The following MAST4 variants were observed in gnomAD, a reference collection of about 807,000 sequenced individuals.
The protein encoded by MAST4 is microtubule associated serine/threonine kinase family member 4.
A neutral mutation model predicts 162.7 loss-of-function variants in MAST4; 89 were observed. That is an observed-to-expected ratio of 0.55 (90% CI 0.46 to 0.65). The LOEUF (loss-of-function observed/expected upper bound fraction) is 0.65. Ranked by LOEUF, MAST4 falls within the 30% of genes least tolerant of loss-of-function variation. The probability of loss-of-function intolerance (pLI) is 0.00; values close to 1 mark genes in which losing one functional copy is unlikely to be tolerated. For missense variants in MAST4, 3,153 were observed against 3,374.0 expected (o/e 0.93, Z 1.62); for synonymous variants, 1,479 against 1,361.1 (o/e 1.09, Z -1.91).
chr5:66,692,213 A>C (rs1749087955), intron 1 of MAST4, among the ~76,000 whole-genome samples: 1 of 152,046 alleles, frequency 6.6e-6, no homozygotes, highest in Non-Finnish European at 1.5e-5. Flanking sequence ...GTTCAATCGC[A>C]TGGTAAGAGA....
chr5:66,780,113 C>A (rs1029689448), intron 2 of MAST4, among the ~76,000 whole-genome samples: 1 of 152,092 alleles, frequency 6.6e-6, no homozygotes, highest in Admixed American at 6.6e-5. Context: ...ACTATTTTTA[C>A]ATGTATAATT....
intron 26 of MAST4, among the ~76,000 whole-genome samples, chr5:67,154,259 TATTTG>T (rs892486959): frequency 6.6e-6 from 1 of 152,210 alleles, no homozygotes; most frequent in African/African-American, 2.4e-5. Flanking sequence ...TCTGTTCAGT[TATTTG>T]ATTTGTCTTT....
intron 1 of MAST4, among the ~76,000 whole-genome samples, chr5:66,758,166 A>C (rs1219055825): frequency 6.6e-6 from 1 of 151,758 alleles, no homozygotes; most frequent in South Asian, 2.1e-4. Flanking sequence ...GCCTCTCACT[A>C]AAATACTGAC....
intron 3 of MAST4, among the ~76,000 whole-genome samples, chr5:66,881,936 T>C (rs1158992256): frequency 6.6e-6 from 1 of 152,224 alleles, no homozygotes; most frequent in Non-Finnish European, 1.5e-5. Context: ...AGTTTTGTCC[T>C]GCTTCTGTGG....
chr5:67,121,220 C>G, intron 14 of MAST4, 118 bp downstream of exon 14: 5 of 742,254 alleles, frequency 6.7e-6, no homozygotes, highest in South Asian at 3.7e-5. Context: ...TTTCAGATCA[C>G]TGCTCCTTTC....
Position 67,169,057 on chromosome 5 carries a change from C to T in MAST4, c.*2006C>T, listed in dbSNP as rs971690658. ...TAATGGATTTCAAAACTGGTCTCAA[C>T]GTTTATAATACATATCTGTGTTTGG... On this transcript the variant is annotated 3_prime_UTR_variant, in exon 29 of 29. Coordinates refer to ENST00000403625, the MANE Select transcript of MAST4 (RefSeq NM_001164664.2). The T allele has an allele frequency of 6.6e-6, 1 of 151,978 alleles. No individual in the cohort carries two copies. The highest frequency in any genetic ancestry group is 2.1e-4 in the South Asian group (1 of 4,816). The allele number at this position is 151,978 out of a possible 1,614,324, so 9.4% of individuals were successfully genotyped here. A position where few individuals can be genotyped will look rare whatever the true frequency, so the allele number is the denominator to read the frequency against.
chr5:67,153,796 G>A (rs1772140747), intron 26 of MAST4, among the ~76,000 whole-genome samples: 1 of 152,046 alleles, frequency 6.6e-6, no homozygotes, highest in Non-Finnish European at 1.5e-5. Context: ...ATTTAATTTT[G>A]CTTCTCATTC....
intron 1 of MAST4, among the ~76,000 whole-genome samples, chr5:66,753,421 AAAAG>A (rs1163096444): frequency 7.2e-5 from 11 of 151,736 alleles, no homozygotes; most frequent in African/African-American, 2.2e-4. Context: ...AATAAAGAAA[AAAAG>A]AGAGAAGAAT....
At chr5:66,749,000 T>C (rs971442294) in intron 1 of MAST4, among the ~76,000 whole-genome samples, 2 of 151,948 alleles carry the variant, frequency 1.3e-5, no homozygotes, top group Non-Finnish European at 2.9e-5. Flanking sequence ...ATAATAAATG[T>C]TTTTCTATTC....
intron 2 of MAST4, among the ~76,000 whole-genome samples, chr5:66,761,194 A>G (rs1182457929): frequency 6.6e-6 from 1 of 152,172 alleles, no homozygotes; most frequent in Non-Finnish European, 1.5e-5. Context: ...TCAAGTGCTT[A>G]TTGGACAATT....
At chr5:66,912,403 A>C (rs1183215814) in intron 4 of MAST4, among the ~76,000 whole-genome samples, 1 of 152,242 alleles carries the variant, frequency 6.6e-6, no homozygotes, top group Non-Finnish European at 1.5e-5. Context: ...AATAAGCAGA[A>C]GGTTTTTCTT....
chr5:67,057,905 G>A (rs1759055063), intron 5 of MAST4, among the ~76,000 whole-genome samples: 1 of 150,036 alleles, frequency 6.7e-6, no homozygotes, highest in Non-Finnish European at 1.5e-5. Context: ...GGAAAAAATA[G>A]CCAACAAAAC....
intron 4 of MAST4, among the ~76,000 whole-genome samples, chr5:66,985,568 G>A (rs1022489278): frequency 6.6e-6 from 1 of 152,158 alleles, no homozygotes; most frequent in Non-Finnish European, 1.5e-5. Flanking sequence ...GGCCTGGAAT[G>A]ATTTTATAAC....
chr5:66,697,381 A>G (rs983048711), intron 1 of MAST4, among the ~76,000 whole-genome samples: 8 of 152,262 alleles, frequency 5.3e-5, no homozygotes, highest in Admixed American at 2.6e-4. Flanking sequence ...TAATACATTA[A>G]TGATAACCAT....
intron 4 of MAST4, among the ~76,000 whole-genome samples, chr5:66,943,394 C>T (rs11955470): frequency 0.043 from 6,467 of 151,894 alleles, 216 homozygotes; most frequent in Middle Eastern, 0.078. Context: ...TAAACAAGGC[C>T]CTGAGATAAA....
chr5:66,999,592 T>TG (rs879797735), intron 4 of MAST4, among the ~76,000 whole-genome samples: 34 of 152,376 alleles, frequency 2.2e-4, no homozygotes, highest in African/African-American at 7.2e-4. Flanking sequence ...GTCCTTTACT[T>TG]GCTTCAGACT....
intron 1 of MAST4, among the ~76,000 whole-genome samples, chr5:66,710,942 G>A (rs561765567): frequency 3.3e-5 from 5 of 152,268 alleles, no homozygotes; most frequent in Middle Eastern, 6.8e-3. Flanking sequence ...GAATATGCCC[G>A]TGTAACCAGC....
At chr5:67,004,238 GCTC>G (rs1751668620) in intron 4 of MAST4, among the ~76,000 whole-genome samples, 1 of 152,052 alleles carries the variant, frequency 6.6e-6, no homozygotes, top group Admixed American at 6.5e-5. Context: ...GTGAGCCCCC[GCTC>G]CTCAGGCGCG....
intron 11 of MAST4, among the ~76,000 whole-genome samples, chr5:67,112,857 G>A (rs1365024452): frequency 6.6e-6 from 1 of 152,026 alleles, no homozygotes; most frequent in Non-Finnish European, 1.5e-5. Context: ...ATGAGGATGG[G>A]GCTGCAACTC....
Sources: gnomAD v4.1 joint callset for allele counts (sites outside exome capture counted in the v4.1 genomes callset) on GRCh38, gnomAD v4.1.1 for gene constraint, MANE v1.5 for transcripts, NCBI Gene and HGNC (gene_info 2026-07-23, HGNC 2026-07-21) for gene names.